Variants in LPP observed in about 807,000 individuals in gnomAD.
LPP encodes LIM domain containing preferred translocation partner in lipoma.
A neutral mutation model predicts 60.4 loss-of-function variants in LPP; 38 were observed. That is an observed-to-expected ratio of 0.63 (90% CI 0.49 to 0.83). The LOEUF is 0.83. LPP is among the 40% of genes least tolerant of loss of function. The probability of loss-of-function intolerance (pLI) is 0.00; values close to 1 mark genes in which losing one functional copy is unlikely to be tolerated. For missense variants in LPP, 902 were observed against 783.6 expected (o/e 1.15, Z -1.80); for synonymous variants, 328 against 290.8 (o/e 1.13, Z -1.30).
At chr3:188,388,231 A>G (rs1162925068) in intron 3 of LPP, among the ~76,000 whole-genome samples, 1 of 152,212 alleles carries the variant, frequency 6.6e-6, no homozygotes, top group African/African-American at 2.4e-5. Flanking sequence ...CTGTTTGAAT[A>G]AGTTGAGACA....
intron 7 of LPP, among the ~76,000 whole-genome samples, chr3:188,647,568 G>T (rs137865303): frequency 3.9e-5 from 6 of 152,152 alleles, no homozygotes; most frequent in Non-Finnish European, 5.9e-5. Flanking sequence ...GGTCCCCTTT[G>T]TGTACTTTCA....
intron 4 of LPP, among the ~76,000 whole-genome samples, chr3:188,480,730 G>C (rs898084660): frequency 6.6e-6 from 1 of 152,206 alleles, no homozygotes; most frequent in African/African-American, 2.4e-5. Context: ...TGGGAGGTGA[G>C]TTGCAATTTC....
At chr3:188,583,033 T>C (rs1836616458) in intron 6 of LPP, among the ~76,000 whole-genome samples, 1 of 152,202 alleles carries the variant, frequency 6.6e-6, no homozygotes, top group Non-Finnish European at 1.5e-5. Context: ...AAAATGCAAG[T>C]CTGACTGTAT....
Position 188,319,000 on chromosome 3 carries a change from C to T in LPP, c.-66-22663C>T, listed in dbSNP as rs541013775. ...GTCTCGATCTCCTGACCTCGTGATC[C>T]GCCCGCCTCGGCCTCCCAAAGTGCT... is the stretch of plus-strand genomic sequence containing the variant. On this transcript the variant is annotated intron_variant, in intron 2 of 11. Transcript: ENST00000617246. Among the ~76,000 whole-genome samples the T allele has an allele frequency of 4.1e-4, 62 of 151,884 alleles. 2 individuals carry two copies. The highest frequency in any genetic ancestry group is 3.4e-3 in the Admixed American group (52 of 15,254).
intron 8 of LPP, among the ~76,000 whole-genome samples, chr3:188,744,785 A>G (rs1397701389): frequency 6.6e-6 from 1 of 151,990 alleles, no homozygotes; most frequent in Non-Finnish European, 1.5e-5. Context: ...CCCATTTTTT[A>G]CTTGAAACTG....
intron 9 of LPP, among the ~76,000 whole-genome samples, chr3:188,781,525 C>T (rs1217898048): frequency 1.3e-5 from 2 of 151,954 alleles, no homozygotes; most frequent in Admixed American, 6.6e-5. Context: ...GTGGAAGGCA[C>T]CTCTTCACAG....
At chr3:188,500,800 C>G (rs10446350) in intron 5 of LPP, among the ~76,000 whole-genome samples, 10,112 of 151,892 alleles carry the variant, frequency 0.067, 506 homozygotes, top group Non-Finnish European at 0.1. Flanking sequence ...TGAAAATTTC[C>G]CTGTCATCTG....
At chr3:188,493,167 A>G (rs930553203) in intron 5 of LPP, among the ~76,000 whole-genome samples, 2 of 152,134 alleles carry the variant, frequency 1.3e-5, no homozygotes, top group African/African-American at 4.8e-5. Context: ...TATTGCCTTC[A>G]TATTTGAGTA....
intron 3 of LPP, among the ~76,000 whole-genome samples, chr3:188,390,322 T>C (rs1779393371): frequency 6.6e-6 from 1 of 152,206 alleles, no homozygotes; most frequent in African/African-American, 2.4e-5. Context: ...ATCACTGCTA[T>C]ATTTACATTT....
chr3:188,427,224 C>A (rs984139593), intron 4 of LPP, among the ~76,000 whole-genome samples: 14 of 152,156 alleles, frequency 9.2e-5, no homozygotes, highest in African/African-American at 3.1e-4. Context: ...CTTAGTTTGG[C>A]TGGATATGAA....
At chr3:188,748,169 T>C (rs1726891943) in intron 8 of LPP, among the ~76,000 whole-genome samples, 1 of 152,190 alleles carries the variant, frequency 6.6e-6, no homozygotes. Context: ...CAGCAGTTTA[T>C]TTTAGAGGAA....
chr3:188,619,586 T>A (rs1252318892), intron 7 of LPP, among the ~76,000 whole-genome samples: 1 of 152,186 alleles, frequency 6.6e-6, no homozygotes, highest in African/African-American at 2.4e-5. Context: ...CATTCCATAT[T>A]ATCAATGGCT....
At chr3:188,705,693 G>A (rs1577113199) in intron 7 of LPP, among the ~76,000 whole-genome samples, 2 of 151,962 alleles carry the variant, frequency 1.3e-5, no homozygotes, top group South Asian at 4.2e-4. Flanking sequence ...CACGATCTTG[G>A]CTCAAACTGT....
At chr3:188,587,892 A>G (rs1837830206) in intron 6 of LPP, among the ~76,000 whole-genome samples, 1 of 152,246 alleles carries the variant, frequency 6.6e-6, no homozygotes, top group Admixed American at 6.5e-5. Flanking sequence ...AACCTCAAAC[A>G]ATACAAAACA....
chr3:188,250,754 C>CTTTCTTTA (rs1204459602), intron 2 of LPP, among the ~76,000 whole-genome samples: 1 of 114,672 alleles, frequency 8.7e-6, no homozygotes, highest in Admixed American at 8.5e-5. Flanking sequence ...TTCTTTCTTT[C>CTTTCTTTA]TTTCTTTCTT....
chr3:188,725,042 A>G (rs1327100561), intron 8 of LPP, among the ~76,000 whole-genome samples: 1 of 152,164 alleles, frequency 6.6e-6, no homozygotes. Context: ...TTGCCATTTT[A>G]TTTCATTAAG....
intron 2 of LPP, among the ~76,000 whole-genome samples, chr3:188,287,937 T>C (rs1744528671): frequency 6.6e-6 from 1 of 152,256 alleles, no homozygotes; most frequent in East Asian, 1.9e-4. Context: ...TCAGATTCAA[T>C]GCTGGATGTA....
chr3:188,203,458 A>AATAT (rs1396298471), intron 1 of LPP, among the ~76,000 whole-genome samples: 1 of 90,312 alleles, frequency 1.1e-5, no homozygotes, highest in African/African-American at 4.6e-5. Flanking sequence ...AATATATATA[A>AATAT]ATATATATAT....
At chr3:188,739,377 G>A (rs1205377555) in intron 8 of LPP, among the ~76,000 whole-genome samples, 1 of 152,054 alleles carries the variant, frequency 6.6e-6, no homozygotes, top group Non-Finnish European at 1.5e-5. Flanking sequence ...GGATAATAAG[G>A]TGTGATTGTC....
Sources: allele counts gnomAD v4.1 joint callset (sites outside exome capture counted in the v4.1 genomes callset), GRCh38; gene constraint gnomAD v4.1.1; transcripts MANE v1.5; gene names NCBI Gene and HGNC (gene_info 2026-07-23, HGNC 2026-07-21).